ALK: variants seen among roughly 807,000 people sequenced by gnomAD.
The protein encoded by ALK is ALK tyrosine kinase receptor.
A neutral mutation model predicts 163.1 loss-of-function variants in ALK; 74 were observed. That is an observed-to-expected ratio of 0.45 (90% confidence interval 0.38 to 0.55). The LOEUF (loss-of-function observed/expected upper bound fraction) is 0.55, where lower values mean the gene tolerates loss of function less well. ALK is among the 20% of genes least tolerant of loss of function. The pLI, the probability that ALK is intolerant of heterozygous loss-of-function variation, is 0.00. For missense variants in ALK, 2,063 were observed against 2,105.3 expected, an observed-to-expected ratio of 0.98 and a Z score of 0.39; for synonymous variants, 960 against 843.2, an observed-to-expected ratio of 1.14 and a Z score of -2.40.
At chr2:29,623,165 G>A (rs549914989) in intron 3 of ALK, among the ~76,000 whole-genome samples, 2 of 152,214 alleles carry the variant, frequency 1.3e-5, no homozygotes, top group East Asian at 3.9e-4. Flanking sequence ...GGTGTATCAT[G>A]GGCAATGTTA....
At chr2:29,198,506 C>G (rs958281014) in intron 26 of ALK, among the ~76,000 whole-genome samples, 10 of 152,160 alleles carry the variant, frequency 6.6e-5, no homozygotes, top group Non-Finnish European at 2.9e-5. Flanking sequence ...ATAGGATAAT[C>G]TAGTAATTCA....
At chr2:29,571,910 C>G (rs555377770) in intron 3 of ALK, among the ~76,000 whole-genome samples, 1 of 152,210 alleles carries the variant, frequency 6.6e-6, no homozygotes, top group Non-Finnish European at 1.5e-5. Flanking sequence ...TAGAGCACCC[C>G]ACTGGCAAGT....
At chr2:29,379,837 G>T (rs890337050) in intron 5 of ALK, among the ~76,000 whole-genome samples, 5 of 152,200 alleles carry the variant, frequency 3.3e-5, no homozygotes, top group African/African-American at 1.2e-4. Flanking sequence ...ACACACAGCT[G>T]GGAATATGAA....
intron 2 of ALK, among the ~76,000 whole-genome samples, chr2:29,708,072 T>C (rs560731626): frequency 3.9e-5 from 6 of 152,144 alleles, no homozygotes; most frequent in Non-Finnish European, 7.4e-5. Context: ...GACTGACTGA[T>C]TGATTTAATT....
rs184102225 is a variant in ALK at position 29,862,412 on chromosome 2, C to T, written c.667+57581G>A. Among the ~76,000 whole-genome samples the T allele has an allele frequency of 2.4e-4, 36 of 152,178 alleles. 1 individual carries two copies. The East Asian group carries it at 3.3e-3, about 14-fold the overall frequency. ...ATGAAAACCCTAAAGATTCCACCAACGAACTGTTAGAAATAATAAACAAAT... is the reference window on the plus strand; with the variant it reads ...ATGAAAACCCTAAAGATTCCACCAATGAACTGTTAGAAATAATAAACAAAT... On this transcript the variant is annotated intron_variant, in intron 1 of 28. Transcript: ENST00000389048.
chr2:29,685,347 C>T lies in ALK; in HGVS notation c.952+9503G>A, dbSNP rs570555502. Among the ~76,000 whole-genome samples, 12 of 152,276 alleles carry T rather than the reference C, an allele frequency of 7.9e-5. No individual in the cohort carries two copies. In the South Asian group the frequency reaches 2.5e-3, roughly 32 times the overall value. ...CCCATTTCTAGCAATGTGCCTTCTC[C>T]AGGACCCTCCCTGGAGGTGCTTTCG... On this transcript the variant is annotated intron_variant, in intron 3 of 28. Transcript: ENST00000389048.
chr2:29,558,332 G>T (rs1558383463), intron 3 of ALK, among the ~76,000 whole-genome samples: 1 of 152,204 alleles, frequency 6.6e-6, no homozygotes, highest in Non-Finnish European at 1.5e-5. Context: ...CCTTGGCCCA[G>T]TGACTTCATT....
chr2:29,232,607 T>C (rs1289246796), intron 14 of ALK, among the ~76,000 whole-genome samples, 159 bp from the exon 15 acceptor site: 1 of 152,226 alleles, frequency 6.6e-6, no homozygotes, highest in Non-Finnish European at 1.5e-5. Context: ...TGAACCCTTG[T>C]TACAATAGCC....
Position 29,223,507 on chromosome 2 carries a change from T to C in ALK, c.3194A>G (p.Glu1065Gly), listed in dbSNP as rs2148171148. 6.2e-7 allele frequency: 1 copy of C among 1,613,994 alleles called. No homozygotes were observed. The highest frequency in any genetic ancestry group is 1.1e-5 in the South Asian group (1 of 91,066). Residue 1065 changes from glutamate to glycine, a missense_variant, in exon 20 of 29, where the codon GAG (glutamate) becomes GGG (glycine). Physicochemically the swap from Glu to Gly is moderately conservative, Grantham distance 98 (BLOSUM62 -2). Coordinates refer to ENST00000389048, the MANE Select transcript of ALK (RefSeq NM_004304.5). The part of the protein sequence containing the change: ...IMIVYRRKHQ[E>G]LQAMQMELQS... ...CAGCTCCATCTGCATGGCTTGCAGC[T>C]CCTGGTGCTTCCGGCGGTACACTGC... is the stretch of plus-strand genomic sequence containing the variant.
chr2:29,782,470 C>T (rs1663854925), intron 1 of ALK, among the ~76,000 whole-genome samples: 1 of 152,132 alleles, frequency 6.6e-6, no homozygotes, highest in Non-Finnish European at 1.5e-5. Flanking sequence ...TGCCCCGCAC[C>T]CATTCACCAC....
chr2:29,814,200 T>C lies in ALK; in HGVS notation c.668-96503A>G, dbSNP rs148285240. ...CTATTCTGTTTCATAGAAGAGGCAC[T>C]GAGGCCCAGCGGCTAACTGACTTGT... On this transcript the variant is annotated intron_variant, in intron 1 of 28. Transcript: ENST00000389048. Among the ~76,000 whole-genome samples the C allele has an allele frequency of 2.2e-3, 332 of 152,312 alleles. 1 individual carries two copies. Among genetic ancestry groups the C allele is most frequent in the African/African-American group, 7.6e-3 (317 of 41,566 alleles).
chr2:29,719,243 A>G (rs190720008), intron 1 of ALK, among the ~76,000 whole-genome samples: 1 of 152,332 alleles, frequency 6.6e-6, no homozygotes, highest in East Asian at 1.9e-4. Context: ...GCTCTTGGGT[A>G]TCTAGGAAAG....
chr2:29,664,736 C>A (rs1677456555), intron 3 of ALK, among the ~76,000 whole-genome samples: 1 of 152,160 alleles, frequency 6.6e-6, no homozygotes, highest in South Asian at 2.1e-4. Context: ...GGAGTGACAG[C>A]ATAATGGCTT....
At chr2:29,911,711 C>T (rs1320594789) in intron 1 of ALK, among the ~76,000 whole-genome samples, 2 of 152,008 alleles carry the variant, frequency 1.3e-5, no homozygotes, top group Non-Finnish European at 2.9e-5. Flanking sequence ...CCAACTCAGA[C>T]CAAACAATGT....
chr2:29,766,991 C>T (rs1414270299), intron 1 of ALK, among the ~76,000 whole-genome samples: 1 of 152,166 alleles, frequency 6.6e-6, no homozygotes, highest in African/African-American at 2.4e-5. Flanking sequence ...AGCAATCCAA[C>T]CCAAAGAGGG....
chr2:29,665,122 C>T (rs535099024), intron 3 of ALK, among the ~76,000 whole-genome samples: 1 of 151,590 alleles, frequency 6.6e-6, no homozygotes, highest in East Asian at 2.0e-4. Context: ...TGCCTCCACC[C>T]CCCAAGTAGC....
intron 8 of ALK, among the ~76,000 whole-genome samples, chr2:29,309,192 G>T (rs994622885): frequency 1.3e-5 from 2 of 152,162 alleles, no homozygotes; most frequent in African/African-American, 4.8e-5. Flanking sequence ...TCTGCAGGGG[G>T]CCCAGAGCCC....
At chr2:29,725,219 T>C (rs1679538792) in intron 1 of ALK, among the ~76,000 whole-genome samples, 1 of 150,322 alleles carries the variant, frequency 6.7e-6, no homozygotes, top group South Asian at 2.1e-4. Context: ...CGTGTAAATC[T>C]GGAGCCCAAA....
chr2:29,479,181 A>G (rs1671599040), intron 4 of ALK, among the ~76,000 whole-genome samples: 1 of 152,062 alleles, frequency 6.6e-6, no homozygotes, highest in Admixed American at 6.5e-5. Flanking sequence ...ATCTCCTGTG[A>G]TGTCCCCGAA....
Sources: gnomAD v4.1 joint callset for allele counts (sites outside exome capture counted in the v4.1 genomes callset) on GRCh38, gnomAD v4.1.1 for gene constraint, MANE v1.5 for transcripts, NCBI Gene and HGNC (gene_info 2026-07-23, HGNC 2026-07-21) for gene names.